The following THSD4 variants were observed in gnomAD, a reference collection of about 807,000 sequenced individuals.
The protein encoded by THSD4 is thrombospondin type-1 domain-containing protein 4.
In THSD4, 69 loss-of-function variants were observed where a neutral mutation model predicts 119.0. The observed-to-expected ratio is 0.58, with a 90% confidence interval of 0.48 to 0.71. The LOEUF (loss-of-function observed/expected upper bound fraction) is 0.71. Ranked by LOEUF, THSD4 falls within the 30% of genes least tolerant of loss-of-function variation. The probability of loss-of-function intolerance (pLI) is 0.00; values close to 1 mark genes in which losing one functional copy is unlikely to be tolerated. For missense variants in THSD4, 1,393 were observed against 1,391.1 expected (o/e 1.00, Z -0.02); for synonymous variants, 524 against 540.4 (o/e 0.97, Z 0.42).
At chr15:71,475,482 A>C (rs1467812842) in intron 7 of THSD4, among the ~76,000 whole-genome samples, 1 of 152,140 alleles carries the variant, frequency 6.6e-6, no homozygotes, top group Non-Finnish European at 1.5e-5. Flanking sequence ...GGTGGCGTAA[A>C]TCTGGGGATC....
chr15:71,334,589 T>C (rs997465768), intron 6 of THSD4, among the ~76,000 whole-genome samples: 1 of 152,148 alleles, frequency 6.6e-6, no homozygotes, highest in Non-Finnish European at 1.5e-5. Context: ...CCATGGACAA[T>C]CCCCAAGGGC....
Position 71,579,007 on chromosome 15 carries a change from C to G in THSD4, c.1153-81523C>G, listed in dbSNP as rs28562219. Among the ~76,000 whole-genome samples, 660 of 151,758 alleles carry G rather than the reference C, an allele frequency of 4.3e-3. 7 individuals are homozygous for G. Among genetic ancestry groups the G allele is most frequent in the African/African-American group, 0.015 (619 of 41,404 alleles). ...TACAGGCACCAGCTATCACACCCGG[C>G]TAATTTTTTGTATTTTTAGTAGAGA... is the stretch of plus-strand genomic sequence containing the variant. On this transcript the variant is annotated intron_variant, in intron 7 of 17. Coordinates refer to ENST00000261862, the MANE Select transcript of THSD4 (RefSeq NM_024817.3).
At chr15:71,517,010 A>T (rs1205482600) in intron 7 of THSD4, among the ~76,000 whole-genome samples, 1 of 152,214 alleles carries the variant, frequency 6.6e-6, no homozygotes, top group Non-Finnish European at 1.5e-5. Context: ...TCATCCCAGG[A>T]AGTTCTATCA....
intron 7 of THSD4, among the ~76,000 whole-genome samples, chr15:71,636,889 CTTT>C (rs112472688): frequency 1.4e-5 from 2 of 144,820 alleles, no homozygotes; most frequent in African/African-American, 2.5e-5. Context: ...ATATTTTTTT[CTTT>C]TTTTTTTTTT....
In THSD4 at chr15:71,637,086, C is replaced by T. The variant is rs988826653; in HGVS notation, c.1153-23444C>T. Among the ~76,000 whole-genome samples the T allele has an allele frequency of 1.6e-3, 236 of 152,120 alleles. 1 individual carries two copies. Among genetic ancestry groups the T allele is most frequent in the African/African-American group, 5.5e-3 (230 of 41,504 alleles). On this transcript the variant is annotated intron_variant, in intron 7 of 17. Transcript: ENST00000261862. ...ATTTTTGGTAGAGACGGGGTTTCAC[C>T]ATGTTGGCCAGGCTGGTCTTGAACT...
At chr15:71,392,512 T>A (rs567208832) in intron 6 of THSD4, among the ~76,000 whole-genome samples, 58 of 152,354 alleles carry the variant, frequency 3.8e-4, no homozygotes, top group African/African-American at 1.4e-3. Context: ...CCTCTTTCTC[T>A]TTTACTTGTA....
chr15:71,701,859 C>T (rs1201353497), intron 8 of THSD4, among the ~76,000 whole-genome samples: 1 of 152,222 alleles, frequency 6.6e-6, no homozygotes, highest in Middle Eastern at 3.4e-3. Context: ...CCTTCCACTT[C>T]TTTTAGGAGG....
At chr15:71,405,445 A>G (rs554086616) in intron 6 of THSD4, among the ~76,000 whole-genome samples, 58 of 152,368 alleles carry the variant, frequency 3.8e-4, no homozygotes, top group Non-Finnish European at 6.3e-4. Flanking sequence ...TGTTGCAAAC[A>G]GTATTTTTTC....
At position 71,097,946 on chromosome 15, in the gene THSD4, C is replaced by T. The variant is rs566131686; in HGVS notation, c.-80+940C>T. ...GTGGGAATAAACTTCATGCCCAGTG[C>T]TGACCTTCTCGCAGTGATGTTTTTG... On this transcript the variant is annotated intron_variant, in intron 1 of 17. Transcript: ENST00000355327. Among the ~76,000 whole-genome samples, 14 of 152,058 alleles carry T rather than the reference C, an allele frequency of 9.2e-5. No homozygotes were observed. The South Asian group carries it at 2.3e-3, about 25-fold the overall frequency.
chr15:71,614,213 A>G (rs369909546), intron 7 of THSD4, among the ~76,000 whole-genome samples: 8 of 152,342 alleles, frequency 5.3e-5, no homozygotes, highest in African/African-American at 1.9e-4. Context: ...TTTGGGAAGA[A>G]TTCGACCCAC....
chr15:71,406,688 G>A (rs2046613648), intron 6 of THSD4, among the ~76,000 whole-genome samples: 1 of 131,932 alleles, frequency 7.6e-6, no homozygotes, highest in Non-Finnish European at 1.6e-5. Flanking sequence ...GTGTGTGTGT[G>A]TGTGTGTTTG....
chr15:71,337,162 G>A, intron 6 of THSD4, among the ~76,000 whole-genome samples: 1 of 152,154 alleles, frequency 6.6e-6, no homozygotes, highest in East Asian at 1.9e-4. Flanking sequence ...GTCTTAGTTG[G>A]GTACAACACT....
intron 5 of THSD4, among the ~76,000 whole-genome samples, chr15:71,254,545 G>A (rs569207480): frequency 2.0e-5 from 3 of 152,330 alleles, no homozygotes; most frequent in African/African-American, 7.2e-5. Flanking sequence ...TTCTGCCAGA[G>A]TGAGGCTTGA....
At chr15:71,502,356 G>A (rs185058878) in intron 7 of THSD4, among the ~76,000 whole-genome samples, 5 of 152,310 alleles carry the variant, frequency 3.3e-5, no homozygotes, top group African/African-American at 1.2e-4. Flanking sequence ...ATCAAAATTA[G>A]GGTGGGGAAG....
At chr15:71,300,458 G>A (rs1325359301) in intron 6 of THSD4, among the ~76,000 whole-genome samples, 1 of 152,182 alleles carries the variant, frequency 6.6e-6, no homozygotes, top group Non-Finnish European at 1.5e-5. Context: ...GGACAGCTGG[G>A]AACTTGAGAT....
intron 7 of THSD4, among the ~76,000 whole-genome samples, chr15:71,417,059 C>CATCCTCTG (rs2046768568): frequency 9.2e-6 from 1 of 108,490 alleles, no homozygotes. Context: ...GCACCTGGCC[C>CATCCTCTG]TGCCCATTTT....
intron 1 of THSD4, among the ~76,000 whole-genome samples, chr15:71,118,671 T>C (rs1310435063): frequency 6.6e-6 from 1 of 152,226 alleles, no homozygotes; most frequent in Non-Finnish European, 1.5e-5. Context: ...CCCATCTTTT[T>C]CTTTGCGTGT....
intron 6 of THSD4, among the ~76,000 whole-genome samples, chr15:71,396,698 G>C (rs2046459478): frequency 6.6e-6 from 1 of 152,216 alleles, no homozygotes; most frequent in South Asian, 2.1e-4. Context: ...CAGTTGGCCA[G>C]ACTGGCTTAC....
chr15:71,643,729 A>G (rs1259394780), intron 7 of THSD4, among the ~76,000 whole-genome samples: 2 of 152,234 alleles, frequency 1.3e-5, no homozygotes, highest in Non-Finnish European at 2.9e-5. Context: ...TATTTTGTCC[A>G]TTAGAAAATT....
Sources: gnomAD v4.1 joint callset for allele counts (sites outside exome capture counted in the v4.1 genomes callset) on GRCh38, gnomAD v4.1.1 for gene constraint, MANE v1.5 for transcripts, NCBI Gene and HGNC (gene_info 2026-07-23, HGNC 2026-07-21) for gene names.